The following ATL2 variants were observed in gnomAD, a reference collection of about 807,000 sequenced individuals.
ATL2 encodes atlastin-2.
In ATL2, 31 loss-of-function variants were observed where a neutral mutation model predicts 73.9. That is an observed-to-expected ratio of 0.42 (90% CI 0.32 to 0.57). ATL2 has a LOEUF of 0.57. Among genes scored for constraint, ATL2 ranks in the 20% least tolerant of loss-of-function variants. ATL2 has a pLI of 0.14. For missense variants in ATL2, 738 were observed against 702.6 expected (o/e 1.05, Z -0.57); for synonymous variants, 291 against 237.5 (o/e 1.23, Z -2.07).
At chr2:38,329,197 T>G (rs1668838511) in intron 2 of ATL2, among the ~76,000 whole-genome samples, 1 of 146,338 alleles carries the variant, frequency 6.8e-6, no homozygotes, top group African/African-American at 2.5e-5. Flanking sequence ...GAGGCCGAGA[T>G]GGGCAGATCA....
chr2:38,299,384 C>T, intron 10 of ATL2, 57 bp from the exon 11 acceptor site: 1 of 1,464,762 alleles, frequency 6.8e-7, no homozygotes, highest in Non-Finnish European at 9.1e-7. Context: ...TCTAAAAATT[C>T]TGATTAACAC....
At chr2:38,345,482 A>C (rs1329653234) in intron 1 of ATL2, among the ~76,000 whole-genome samples, 1 of 152,234 alleles carries the variant, frequency 6.6e-6, no homozygotes, top group South Asian at 2.1e-4. Flanking sequence ...CAAAGTCAAC[A>C]GCACTATTTC....
chr2:38,297,652 C>T (rs1388546915), intron 12 of ATL2, among the ~76,000 whole-genome samples: 2 of 152,156 alleles, frequency 1.3e-5, no homozygotes, highest in South Asian at 2.1e-4. Context: ...GAAATCCCTA[C>T]GGGATTGTTC....
chr2:38,315,251 C>CA, intron 5 of ATL2, 33 bp downstream of exon 5: 2 of 1,452,120 alleles, frequency 1.4e-6, no homozygotes, highest in Non-Finnish European at 9.0e-7. Flanking sequence ...AACTCCATCT[C>CA]AAAAAATAAA....
At chr2:38,347,678 T>C (rs1670102546) in intron 1 of ATL2, among the ~76,000 whole-genome samples, 1 of 152,084 alleles carries the variant, frequency 6.6e-6, no homozygotes, top group Admixed American at 6.6e-5. Flanking sequence ...CAACAGTGCC[T>C]GACACCTAGC....
chr2:38,311,999 T>G (rs368528998), intron 7 of ATL2, among the ~76,000 whole-genome samples: 11 of 152,244 alleles, frequency 7.2e-5, no homozygotes, highest in Admixed American at 3.9e-4. Flanking sequence ...GAATTGGTTT[T>G]AATCTCATTT....
chr2:38,318,376 TAGG>T, intron 4 of ATL2, 156 bp downstream of exon 4: 1 of 456,162 alleles, frequency 2.2e-6, no homozygotes, highest in Non-Finnish European at 3.9e-6. Context: ...CTACTCGGGT[TAGG>T]AGAATGAACC....
At chr2:38,364,440 T>A (rs1671188045) in intron 1 of ATL2, among the ~76,000 whole-genome samples, 1 of 152,100 alleles carries the variant, frequency 6.6e-6, no homozygotes, top group Admixed American at 6.6e-5. Flanking sequence ...TAAGGCAATT[T>A]CAAGAGCCCG....
intron 2 of ATL2, 45 bp downstream of exon 2, chr2:38,343,223 G>T: frequency 7.4e-7 from 1 of 1,347,068 alleles, no homozygotes; most frequent in African/African-American, 1.6e-5. Context: ...GGCATGGTTG[G>T]TACTTTTTTC....
chr2:38,321,632 T>C (rs1354933960), intron 2 of ATL2, among the ~76,000 whole-genome samples: 2 of 152,244 alleles, frequency 1.3e-5, no homozygotes, highest in African/African-American at 4.8e-5. Flanking sequence ...GCCACTGTCC[T>C]GCTGAAAAGT....
rs938735424 is a variant in ATL2 at position 38,294,539 on chromosome 2, C to T, written c.*1455G>A. 5.9e-5 allele frequency among the ~76,000 whole-genome samples: 9 copies of T among 151,904 alleles called. No homozygotes were observed. The East Asian group carries it at 1.7e-3, about 29-fold the overall frequency. ...CTCCAGCCTGGGTGACAGAGAGAGA[C>T]TCCGTCTCAAAAAAGAAACAAACAA... On this transcript the variant is annotated 3_prime_UTR_variant, in exon 13 of 13. Transcript: ENST00000378954.
intron 1 of ATL2, among the ~76,000 whole-genome samples, chr2:38,366,430 T>C (rs1671334816): frequency 6.6e-6 from 1 of 152,232 alleles, no homozygotes; most frequent in African/African-American, 2.4e-5. Flanking sequence ...TTTTAAGTAT[T>C]TTTTAAGCAT....
intron 2 of ATL2, among the ~76,000 whole-genome samples, chr2:38,325,846 G>C (rs1668626083): frequency 6.9e-6 from 1 of 144,470 alleles, no homozygotes; most frequent in Non-Finnish European, 1.5e-5. Flanking sequence ...AATTAAATTA[G>C]CCAACTCCAG....
chr2:38,360,392 C>T (rs1165469259), intron 1 of ATL2, among the ~76,000 whole-genome samples: 2 of 151,842 alleles, frequency 1.3e-5, no homozygotes, highest in African/African-American at 2.4e-5. Flanking sequence ...CTCAAGACAT[C>T]CTCCCATCTC....
intron 2 of ATL2, among the ~76,000 whole-genome samples, chr2:38,328,305 C>G (rs550394127): frequency 7.2e-5 from 11 of 152,260 alleles, no homozygotes; most frequent in African/African-American, 2.6e-4. Context: ...CATAGTCGAG[C>G]TGAACAGCAT....
intron 1 of ATL2, among the ~76,000 whole-genome samples, chr2:38,346,985 T>A (rs555982560): frequency 6.6e-6 from 1 of 152,334 alleles, no homozygotes; most frequent in African/African-American, 2.4e-5. Flanking sequence ...AAAGACACTT[T>A]CCAGGAACAA....
chr2:38,360,743 G>A (rs545632640), intron 1 of ATL2, among the ~76,000 whole-genome samples: 1 of 152,070 alleles, frequency 6.6e-6, no homozygotes. Flanking sequence ...TTTTTTGGGG[G>A]GAAATGAGGG....
At chr2:38,303,608 T>C (rs1428030703) in intron 9 of ATL2, among the ~76,000 whole-genome samples, 5 of 152,090 alleles carry the variant, frequency 3.3e-5, no homozygotes, top group African/African-American at 9.7e-5. Flanking sequence ...GAAGCATGCC[T>C]ACAAGATCTA....
chr2:38,338,013 C>G (rs7340441), intron 2 of ATL2, among the ~76,000 whole-genome samples: 2 of 152,120 alleles, frequency 1.3e-5, no homozygotes, highest in East Asian at 3.9e-4. Context: ...AAACTGATTC[C>G]TAGATTTCAA....
Sources: gnomAD v4.1 joint callset for allele counts (sites outside exome capture counted in the v4.1 genomes callset) on GRCh38, gnomAD v4.1.1 for gene constraint, MANE v1.5 for transcripts, NCBI Gene and HGNC (gene_info 2026-07-23, HGNC 2026-07-21) for gene names.